The following LDB2 variants were observed in gnomAD, a reference collection of about 807,000 sequenced individuals.
The protein encoded by LDB2 is LIM domain binding 2.
Under a neutral mutation model 44.3 loss-of-function variants are expected in LDB2, and 12 were observed. That is an observed-to-expected ratio of 0.27 (90% CI 0.17 to 0.44). The LOEUF (loss-of-function observed/expected upper bound fraction) is 0.44, where lower values mean the gene tolerates loss of function less well. Ranked by LOEUF, LDB2 falls within the 20% of genes least tolerant of loss-of-function variation. The pLI, the probability that LDB2 is intolerant of heterozygous loss-of-function variation, is 1.00. For synonymous variants in LDB2, 164 were observed against 174.8 expected (o/e 0.94, Z 0.49); for missense variants, 344 against 473.5 (o/e 0.73, Z 2.54).
intron 2 of LDB2, among the ~76,000 whole-genome samples, chr4:16,709,776 T>C (rs1165854872): frequency 6.6e-6 from 1 of 152,170 alleles, no homozygotes; most frequent in Non-Finnish European, 1.5e-5. Flanking sequence ...TCAGAGGATC[T>C]TGAAATACTA....
At chr4:16,639,527 T>A (rs946330662) in intron 2 of LDB2, among the ~76,000 whole-genome samples, 1 of 152,250 alleles carries the variant, frequency 6.6e-6, no homozygotes, top group Non-Finnish European at 1.5e-5. Flanking sequence ...CATGGCACGA[T>A]CTCGGCTCAC....
intron 5 of LDB2, among the ~76,000 whole-genome samples, chr4:16,521,092 G>A (rs1240964302): frequency 1.3e-5 from 2 of 152,176 alleles, no homozygotes; most frequent in Non-Finnish European, 2.9e-5. Flanking sequence ...TGGCCAGTTG[G>A]AGGTACTCAG....
chr4:16,820,393 A>AG (rs1781725722), intron 1 of LDB2, among the ~76,000 whole-genome samples: 1 of 152,142 alleles, frequency 6.6e-6, no homozygotes, highest in Admixed American at 6.6e-5. Context: ...AGCTTAGCTG[A>AG]GGGGGAAGAC....
chr4:16,677,532 A>C (rs1746643602), intron 2 of LDB2, among the ~76,000 whole-genome samples: 1 of 152,170 alleles, frequency 6.6e-6, no homozygotes, highest in Non-Finnish European at 1.5e-5. Context: ...TCAGAGCTTC[A>C]ACCTAGCAGC....
chr4:16,645,573 T>G (rs895876059), intron 2 of LDB2, among the ~76,000 whole-genome samples: 2 of 147,120 alleles, frequency 1.4e-5, no homozygotes, highest in African/African-American at 5.0e-5. Context: ...AAGGATTGGT[T>G]AGGTAGATTC....
chr4:16,560,479 A>C (rs1560474867), intron 5 of LDB2, among the ~76,000 whole-genome samples: 4 of 152,194 alleles, frequency 2.6e-5, no homozygotes, highest in Non-Finnish European at 5.9e-5. Flanking sequence ...GAAATGGATA[A>C]ATTCCTGGAC....
At chr4:16,667,788 A>T (rs562308570) in intron 2 of LDB2, among the ~76,000 whole-genome samples, 290 of 152,286 alleles carry the variant, frequency 1.9e-3, no homozygotes, top group Non-Finnish European at 3.5e-3. Flanking sequence ...GAGGGGCCAG[A>T]TGTGCCTGCA....
intron 1 of LDB2, among the ~76,000 whole-genome samples, chr4:16,833,933 C>G (rs1461160702): frequency 2.0e-5 from 3 of 152,192 alleles, no homozygotes; most frequent in African/African-American, 4.8e-5. Context: ...TGTACTTGCT[C>G]TCTTAACAGC....
At chr4:16,569,608 C>A (rs1745681007) in intron 5 of LDB2, among the ~76,000 whole-genome samples, 1 of 152,118 alleles carries the variant, frequency 6.6e-6, no homozygotes, top group Non-Finnish European at 1.5e-5. Context: ...GAAAAGACCA[C>A]CCCAAACCAT....
intron 5 of LDB2, among the ~76,000 whole-genome samples, chr4:16,576,391 GA>G (rs1299965668): frequency 6.6e-6 from 1 of 151,792 alleles, no homozygotes; most frequent in Non-Finnish European, 1.5e-5. Context: ...AATCATAGTT[GA>G]AAAAGGAGAC....
chr4:16,797,666 G>A (rs1291852928), intron 1 of LDB2, among the ~76,000 whole-genome samples: 1 of 152,008 alleles, frequency 6.6e-6, no homozygotes, highest in Non-Finnish European at 1.5e-5. Context: ...TATTAGAGAG[G>A]CTCTGAGCTT....
At chr4:16,888,946 T>C (rs530176109) in intron 1 of LDB2, among the ~76,000 whole-genome samples, 17 of 152,126 alleles carry the variant, frequency 1.1e-4, no homozygotes, top group Admixed American at 2.6e-4. Flanking sequence ...AGCCTTTATG[T>C]TCAAGGCTGG....
At chr4:16,709,275 A>C (rs1755347620) in intron 2 of LDB2, among the ~76,000 whole-genome samples, 1 of 152,236 alleles carries the variant, frequency 6.6e-6, no homozygotes, top group South Asian at 2.1e-4. Context: ...CACAAAAATT[A>C]TTCTGCAGGT....
At chr4:16,872,348 C>G (rs2110353282) in intron 1 of LDB2, among the ~76,000 whole-genome samples, 1 of 151,896 alleles carries the variant, frequency 6.6e-6, no homozygotes, top group East Asian at 1.9e-4. Flanking sequence ...TTTTTCTTCA[C>G]CACAAATGAA....
chr4:16,727,090 A>G (rs1212902614), intron 2 of LDB2, among the ~76,000 whole-genome samples: 2 of 152,246 alleles, frequency 1.3e-5, no homozygotes, highest in Admixed American at 1.3e-4. Context: ...TGCATTTAAA[A>G]GATGGGTGAG....
chr4:16,787,717 C>G (rs1286337537), intron 1 of LDB2, among the ~76,000 whole-genome samples: 3 of 152,162 alleles, frequency 2.0e-5, no homozygotes, highest in African/African-American at 7.2e-5. Context: ...CCAGTTCTAC[C>G]ACTTAGAAGG....
At chr4:16,823,559 C>T (rs2109990256) in intron 1 of LDB2, among the ~76,000 whole-genome samples, 1 of 152,244 alleles carries the variant, frequency 6.6e-6, no homozygotes, top group African/African-American at 2.4e-5. Flanking sequence ...AAACACAAAG[C>T]TTAACCACAG....
At chr4:16,824,580 T>C (rs1782707521) in intron 1 of LDB2, among the ~76,000 whole-genome samples, 1 of 152,254 alleles carries the variant, frequency 6.6e-6, no homozygotes, top group African/African-American at 2.4e-5. Flanking sequence ...TTAAGTGTCT[T>C]TGTCCAAGAG....
chr4:16,746,886 T>C (rs574054941), intron 2 of LDB2, among the ~76,000 whole-genome samples: 2 of 151,942 alleles, frequency 1.3e-5, no homozygotes, highest in African/African-American at 4.8e-5. Context: ...CTCCTCAGGG[T>C]TCTGAATGAA....
Sources: gnomAD v4.1 joint callset for allele counts (sites outside exome capture counted in the v4.1 genomes callset) on GRCh38, gnomAD v4.1.1 for gene constraint, MANE v1.5 for transcripts, NCBI Gene and HGNC (gene_info 2026-07-23, HGNC 2026-07-21) for gene names.